ATF7: variants seen among roughly 807,000 people sequenced by gnomAD.
ATF7 encodes cyclic AMP-dependent transcription factor ATF-7.
In ATF7, 10 loss-of-function variants were observed where a neutral mutation model predicts 50.4. That is an observed-to-expected ratio of 0.20 (90% confidence interval 0.12 to 0.34). The LOEUF is 0.34. ATF7 is among the 10% of genes least tolerant of loss of function. The probability of loss-of-function intolerance (pLI) is 1.00; values close to 1 mark genes in which losing one functional copy is unlikely to be tolerated. For synonymous variants in ATF7, 201 were observed against 226.4 expected, an observed-to-expected ratio of 0.89 and a Z score of 1.01; for missense variants, 465 against 613.9, an observed-to-expected ratio of 0.76 and a Z score of 2.56.
At position 53,517,369 on chromosome 12, in the gene ATF7, G is replaced by A. The variant is rs2137308035; in HGVS notation, c.1235-15C>T. The A allele has an allele frequency of 1.9e-6, 3 of 1,607,692 alleles. No individual in the cohort carries two copies. The highest frequency in any genetic ancestry group is 1.7e-4 in the Middle Eastern group (1 of 6,036). On this transcript the variant is annotated splice_polypyrimidine_tract_variant and intron_variant, in intron 11 of 11. Coordinates refer to ENST00000420353, the MANE Select transcript of ATF7 (RefSeq NM_006856.3). ...CTTGGGGCTTTCTGCCAGGAAGGAG[G>A]GCAAAGAGCAGAGAGCAATTGGTTA...
chr12:53,514,195 T>C lies in ATF7; in HGVS notation c.*2942A>G, dbSNP rs997771859. The C allele has an allele frequency of 6.6e-6, 1 of 152,170 alleles. No homozygotes were observed. Among genetic ancestry groups the C allele is most frequent in the Non-Finnish European group, 1.5e-5 (1 of 68,040 alleles). The allele number at this position is 152,170 out of a possible 1,614,324, so 9.4% of individuals were successfully genotyped here. A position where few individuals can be genotyped will look rare whatever the true frequency, so the allele number is the denominator to read the frequency against. On this transcript the variant is annotated 3_prime_UTR_variant, in exon 12 of 12. Coordinates refer to ENST00000420353, the MANE Select transcript of ATF7 (RefSeq NM_006856.3). ...GACCAGAAGACCTGGTTCTGTCCCC[T>C]CCCTCTGTGGCCTTGGGTACGTGGC...
In ATF7 at chr12:53,622,652, CAA is replaced by C. The variant is rs11348452; in HGVS notation, c.-22+3625_-22+3626del. ...AGGGCAAAAGTGCGAAATTGCGTCTCAAAAAAAAAAAAAAAAATAGCTTAAAG... is the reference window on the plus strand; with the variant it reads ...AGGGCAAAAGTGCGAAATTGCGTCTCAAAAAAAAAAAAAAATAGCTTAAAG... On this transcript the variant is annotated intron_variant, in intron 1 of 11. Coordinates refer to ENST00000420353, the MANE Select transcript of ATF7 (RefSeq NM_006856.3). Among the ~76,000 whole-genome samples the C allele has an allele frequency of 2.5e-3, 240 of 97,160 alleles. 2 individuals carry two copies. The highest frequency in any genetic ancestry group is 7.8e-3 in the African/African-American group (218 of 27,786). The allele number at this position is 97,160 out of a possible 152,430, so 63.7% of individuals were successfully genotyped here.
intron 2 of ATF7, among the ~76,000 whole-genome samples, chr12:53,555,490 ATTTTTTT>A (rs543048867): frequency 8.9e-5 from 9 of 100,764 alleles, no homozygotes; most frequent in African/African-American, 1.7e-4. Context: ...AAATAATATA[ATTTTTTT>A]TTTTTTTTTT....
rs1040197442 is a variant in ATF7, at chr12:53,512,487, G to T, written c.*4650C>A. The T allele has an allele frequency of 6.6e-6, 1 of 152,188 alleles. No homozygotes were observed. The highest frequency in any genetic ancestry group is 2.4e-5 in the African/African-American group (1 of 41,436). The allele number at this position is 152,188 out of a possible 1,614,324, so 9.4% of individuals were successfully genotyped here. ...GATACACACTGCTTCCTTTTCAATA[G>T]ATACTATGTTAGGATGTGGCAGCCT... is the stretch of plus-strand genomic sequence containing the variant. On this transcript the variant is annotated 3_prime_UTR_variant, in exon 12 of 12. Transcript: ENST00000420353.
At chr12:53,584,862 A>G (rs1420977094) in intron 2 of ATF7, among the ~76,000 whole-genome samples, 3 of 152,230 alleles carry the variant, frequency 2.0e-5, no homozygotes, top group African/African-American at 7.2e-5. Context: ...TAGTTTTGGC[A>G]AGATCAGTGC....
At chr12:53,614,363 C>A (rs1944023295) in intron 1 of ATF7, among the ~76,000 whole-genome samples, 1 of 152,126 alleles carries the variant, frequency 6.6e-6, no homozygotes, top group Non-Finnish European at 1.5e-5. Context: ...GGATGCTGAA[C>A]AAAAACTAAA....
At position 53,524,761 on chromosome 12, in the gene ATF7, C is replaced by A; in HGVS notation, c.928G>T (p.Val310Phe). The part of the protein sequence containing the change: ...PDAPSPAQPQ[V>F]SPAQPTPSTG... The stretch of plus-strand genomic sequence containing the variant: ...CTAGGGGTGGGCTGAGCTGGTGAGA[C>A]CTGGTGCCCAGGAAGGAAGAGAGGT... Residue 310 changes from valine to phenylalanine, a missense_variant and splice_region_variant, in exon 10 of 12, where the codon GTC becomes TTC. Coordinates refer to ENST00000420353, the MANE Select transcript of ATF7 (RefSeq NM_006856.3). This position sits in a 1 kb window ranked among gnomAD's most constrained non-coding sequence, Gnocchi z 4.6. 1 of 1,594,930 alleles carries A rather than the reference C, an allele frequency of 6.3e-7. No homozygotes were observed. The highest frequency in any genetic ancestry group is 8.5e-7 in the Non-Finnish European group (1 of 1,170,002).
intron 2 of ATF7, among the ~76,000 whole-genome samples, chr12:53,581,973 AT>A (rs1050080435): frequency 5.1e-4 from 78 of 151,850 alleles, no homozygotes; most frequent in Non-Finnish European, 8.7e-4. Context: ...AAATAAAAAA[AT>A]TAGCCGGGTA....
chr12:53,594,344 A>G (rs994159866), intron 2 of ATF7, among the ~76,000 whole-genome samples: 9 of 152,242 alleles, frequency 5.9e-5, no homozygotes, highest in African/African-American at 1.7e-4. Context: ...GGAATAACTG[A>G]AAAATGTCAC....
chr12:53,577,487 C>T (rs1487284735), intron 2 of ATF7, among the ~76,000 whole-genome samples: 2 of 151,872 alleles, frequency 1.3e-5, no homozygotes, highest in African/African-American at 4.8e-5. Context: ...GAGGCCGAGG[C>T]GGGTGGATCA....
chr12:53,621,202 G>C (rs1944364525), intron 1 of ATF7, among the ~76,000 whole-genome samples: 1 of 152,182 alleles, frequency 6.6e-6, no homozygotes, highest in Non-Finnish European at 1.5e-5. Flanking sequence ...ATAAAGGTTA[G>C]ATTATATAAA....
chr12:53,541,007 G>A (rs1939519209), intron 4 of ATF7, among the ~76,000 whole-genome samples: 1 of 152,072 alleles, frequency 6.6e-6, no homozygotes, highest in Non-Finnish European at 1.5e-5. Flanking sequence ...TGGGATTACA[G>A]GTGTGAACCA....
At chr12:53,581,929 C>A (rs1212414852) in intron 2 of ATF7, among the ~76,000 whole-genome samples, 1 of 151,728 alleles carries the variant, frequency 6.6e-6, no homozygotes, top group African/African-American at 2.4e-5. Context: ...TTGAGACCAG[C>A]CTGGTCAACA....
intron 2 of ATF7, among the ~76,000 whole-genome samples, chr12:53,557,215 T>G (rs1323152680): frequency 6.6e-6 from 1 of 152,266 alleles, no homozygotes; most frequent in Non-Finnish European, 1.5e-5. Flanking sequence ...TTTTCTTGTT[T>G]GTTTGAGACA....
At chr12:53,579,609 C>A (rs1241251250) in intron 2 of ATF7, among the ~76,000 whole-genome samples, 1 of 150,520 alleles carries the variant, frequency 6.6e-6, no homozygotes, top group Non-Finnish European at 1.5e-5. Flanking sequence ...AAGAGATGGT[C>A]ACTGTCTCTA....
At chr12:53,572,071 A>G (rs561972109) in intron 2 of ATF7, among the ~76,000 whole-genome samples, 1 of 152,188 alleles carries the variant, frequency 6.6e-6, no homozygotes, top group Admixed American at 6.5e-5. Context: ...CATCTCAAAA[A>G]AAAAAAAGAA....
chr12:53,624,358 TC>T (rs1944520226), intron 1 of ATF7, among the ~76,000 whole-genome samples: 1 of 152,244 alleles, frequency 6.6e-6, no homozygotes, highest in Non-Finnish European at 1.5e-5. Flanking sequence ...TGGTTTCTCT[TC>T]ATGTAATAGC....
downstream of ATF7, among the ~76,000 whole-genome samples, chr12:53,511,742 A>G (rs1944132297): frequency 6.6e-6 from 1 of 152,038 alleles, no homozygotes; most frequent in Admixed American, 6.6e-5. Context: ...CAACTCTCCC[A>G]CCCGCCATCC....
At chr12:53,522,912 T>G (rs1938210761) in intron 11 of ATF7, among the ~76,000 whole-genome samples, 1 of 152,204 alleles carries the variant, frequency 6.6e-6, no homozygotes, top group South Asian at 2.1e-4. Flanking sequence ...GCTTCACCAC[T>G]TTCCCAGCTT....
Sources: gnomAD v4.1 joint callset for allele counts (sites outside exome capture counted in the v4.1 genomes callset) on GRCh38, gnomAD v4.1.1 for gene constraint, Gnocchi (gnomAD v3.1) non-coding constraint, MANE v1.5 for transcripts, NCBI Gene and HGNC (gene_info 2026-07-23, HGNC 2026-07-21) for gene names.